Variants in DYNC1I1 observed in about 807,000 individuals in gnomAD.
DYNC1I1 encodes the protein cytoplasmic dynein 1 intermediate chain 1.
In DYNC1I1, 43 loss-of-function variants were observed where a neutral mutation model predicts 86.6. The observed-to-expected ratio is 0.50, with a 90% CI of 0.39 to 0.64. The LOEUF (loss-of-function observed/expected upper bound fraction) is 0.64, where lower values mean the gene tolerates loss of function less well. Ranked by LOEUF, DYNC1I1 falls within the 30% of genes least tolerant of loss-of-function variation. The probability of loss-of-function intolerance (pLI) is 0.00; values close to 1 mark genes in which losing one functional copy is unlikely to be tolerated. For missense variants in DYNC1I1, 604 were observed against 788.8 expected (o/e 0.77, Z 2.81); for synonymous variants, 262 against 283.7 (o/e 0.92, Z 0.77).
chr7:95,803,402 T>TG (rs1384039888), intron 1 of DYNC1I1, among the ~76,000 whole-genome samples: 4 of 152,296 alleles, frequency 2.6e-5, no homozygotes, highest in Admixed American at 6.5e-5. Context: ...TGTTGAAAAA[T>TG]GAAGAAACAG....
At chr7:96,025,920 T>C (rs1488180430) in intron 10 of DYNC1I1, among the ~76,000 whole-genome samples, 1 of 152,114 alleles carries the variant, frequency 6.6e-6, no homozygotes, top group Non-Finnish European at 1.5e-5. Context: ...AAAAATTGAA[T>C]GACATTCCTT....
At chr7:95,867,014 T>A (rs1792812694) in intron 5 of DYNC1I1, among the ~76,000 whole-genome samples, 1 of 152,192 alleles carries the variant, frequency 6.6e-6, no homozygotes. Context: ...ACACACTTAC[T>A]CCACCTACGT....
chr7:96,096,554 T>C (rs1791013576), intron 16 of DYNC1I1, among the ~76,000 whole-genome samples: 1 of 152,074 alleles, frequency 6.6e-6, no homozygotes, highest in Non-Finnish European at 1.5e-5. Flanking sequence ...GATACTTGCA[T>C]TATATTTTTA....
intron 1 of DYNC1I1, among the ~76,000 whole-genome samples, chr7:95,775,988 G>A (rs1395031666): frequency 6.6e-6 from 1 of 152,170 alleles, no homozygotes; most frequent in East Asian, 1.9e-4. Context: ...GCTTACACCT[G>A]TAATCTCAGC....
intron 1 of DYNC1I1, among the ~76,000 whole-genome samples, chr7:95,774,167 A>C (rs1793781404): frequency 6.6e-6 from 1 of 152,218 alleles, no homozygotes; most frequent in African/African-American, 2.4e-5. Flanking sequence ...CATTCCTCTT[A>C]AAACCTCTAG....
intron 6 of DYNC1I1, among the ~76,000 whole-genome samples, chr7:95,870,213 C>A (rs1790126975): frequency 6.6e-6 from 1 of 152,160 alleles, no homozygotes; most frequent in South Asian, 2.1e-4. Context: ...ATTAGATAAA[C>A]TAAAGAGGTT....
downstream of DYNC1I1, among the ~76,000 whole-genome samples, chr7:96,100,206 G>A (rs1267632625): frequency 6.6e-6 from 1 of 152,142 alleles, no homozygotes; most frequent in Non-Finnish European, 1.5e-5. Context: ...GTATCTAGGA[G>A]ACATAAGACT....
intron 6 of DYNC1I1, among the ~76,000 whole-genome samples, chr7:95,936,438 G>A (rs892041724): frequency 7.2e-5 from 11 of 151,920 alleles, no homozygotes; most frequent in Non-Finnish European, 1.5e-4. Context: ...GCCATAGATA[G>A]TGCCCAGATT....
intron 4 of DYNC1I1, among the ~76,000 whole-genome samples, chr7:95,816,474 T>G (rs1167099071): frequency 1.3e-5 from 2 of 152,228 alleles, no homozygotes; most frequent in African/African-American, 4.8e-5. Flanking sequence ...TCCATTGTTA[T>G]ATCCCATTTC....
intron 4 of DYNC1I1, among the ~76,000 whole-genome samples, chr7:95,813,852 G>A (rs1377967398): frequency 6.6e-6 from 1 of 152,102 alleles, no homozygotes; most frequent in Non-Finnish European, 1.5e-5. Flanking sequence ...GTAGTATCAG[G>A]ATTGGCTGCT....
chr7:95,995,249 A>AAAAAAAT (rs111533286), intron 9 of DYNC1I1, among the ~76,000 whole-genome samples: 1 of 143,058 alleles, frequency 7.0e-6, no homozygotes, highest in Admixed American at 7.1e-5. Context: ...TCCATCTCAA[A>AAAAAAAT]AAATAAATAA....
At chr7:95,975,932 G>A (rs1399611171) in intron 6 of DYNC1I1, among the ~76,000 whole-genome samples, 3 of 152,146 alleles carry the variant, frequency 2.0e-5, no homozygotes, top group African/African-American at 7.2e-5. Context: ...TGTCGAGATG[G>A]ATATTTTGAT....
rs1426970959 is a variant in DYNC1I1, at chr7:95,810,653, G to A, written c.223+147G>A. The A allele has an allele frequency of 1.3e-5, 9 of 677,906 alleles. No homozygotes were observed. The East Asian group carries it at 2.8e-4, about 21-fold the overall frequency. The allele number at this position is 677,906 out of a possible 1,614,324, so 42.0% of individuals were successfully genotyped here. Reference sequence around the variant, plus strand: ...CTGTGGCTTATGGTTCAGGTTGCATGTGTTTTTGGAATTGAGGGGGCTGGA... The same window carrying A: ...CTGTGGCTTATGGTTCAGGTTGCATATGTTTTTGGAATTGAGGGGGCTGGA... On this transcript the variant is annotated intron_variant, in intron 3 of 16. Transcript: ENST00000447467.
chr7:95,995,288 T>TAAA (rs1284500550), intron 9 of DYNC1I1, among the ~76,000 whole-genome samples: 1 of 89,920 alleles, frequency 1.1e-5, no homozygotes, highest in Admixed American at 1.1e-4. Context: ...AAATAAATAA[T>TAAA]GTAGAATGGC....
At chr7:95,781,054 T>A (rs1793980098) in intron 1 of DYNC1I1, among the ~76,000 whole-genome samples, 1 of 152,138 alleles carries the variant, frequency 6.6e-6, no homozygotes. Context: ...GTGACTTTGT[T>A]CACTTTCAGA....
intron 3 of DYNC1I1, among the ~76,000 whole-genome samples, chr7:95,810,991 G>A (rs545987756): frequency 2.6e-5 from 4 of 152,202 alleles, no homozygotes; most frequent in African/African-American, 7.2e-5. Context: ...CAAAATGGTG[G>A]CAGATTAGCA....
chr7:95,827,219 A>G (rs1332095981), intron 4 of DYNC1I1, among the ~76,000 whole-genome samples: 1 of 152,172 alleles, frequency 6.6e-6, no homozygotes, highest in East Asian at 1.9e-4. Flanking sequence ...GCCTGATCCT[A>G]AAGTTTGTGC....
At chr7:95,779,104 G>A (rs996045222) in intron 1 of DYNC1I1, among the ~76,000 whole-genome samples, 1 of 152,176 alleles carries the variant, frequency 6.6e-6, no homozygotes, top group South Asian at 2.1e-4. Flanking sequence ...TGGGACTGCT[G>A]CTGAACATGC....
At chr7:96,052,656 T>C (rs544704028) in intron 14 of DYNC1I1, among the ~76,000 whole-genome samples, 1 of 152,312 alleles carries the variant, frequency 6.6e-6, no homozygotes, top group Non-Finnish European at 1.5e-5. Flanking sequence ...TGGTAATTGT[T>C]GCTGTTGTTA....
Sources: allele counts gnomAD v4.1 joint callset (sites outside exome capture counted in the v4.1 genomes callset), GRCh38; gene constraint gnomAD v4.1.1; transcripts MANE v1.5; gene names NCBI Gene and HGNC (gene_info 2026-07-23, HGNC 2026-07-21).